The following PRKG2 variants were observed in gnomAD, a reference collection of about 807,000 sequenced individuals.
PRKG2 encodes cGMP-dependent protein kinase 2.
Under a neutral mutation model 97.2 loss-of-function variants are expected in PRKG2, and 33 were observed. The observed-to-expected ratio is 0.34, with a 90% confidence interval of 0.26 to 0.45. The LOEUF (loss-of-function observed/expected upper bound fraction) is 0.45, where lower values mean the gene tolerates loss of function less well. Among genes scored for constraint, PRKG2 ranks in the 20% least tolerant of loss-of-function variants. The probability of loss-of-function intolerance (pLI) is 1.00; values close to 1 mark genes in which losing one functional copy is unlikely to be tolerated. For missense variants in PRKG2, 638 were observed against 900.0 expected (o/e 0.71, Z 3.73); for synonymous variants, 330 against 321.8 (o/e 1.03, Z -0.27).
chr4:81,127,275 C>G (rs916222113), intron 14 of PRKG2, among the ~76,000 whole-genome samples: 3 of 152,076 alleles, frequency 2.0e-5, no homozygotes, highest in East Asian at 3.9e-4. Flanking sequence ...TGCAGTCTTG[C>G]AGAATAGTTT....
chr4:81,105,529 G>A (rs1347241370), intron 16 of PRKG2, among the ~76,000 whole-genome samples: 1 of 151,770 alleles, frequency 6.6e-6, no homozygotes, highest in African/African-American at 2.4e-5. Context: ...TAAGGTTTAT[G>A]GTTTATTTTG....
intron 14 of PRKG2, among the ~76,000 whole-genome samples, chr4:81,123,305 C>T (rs183024698): frequency 3.3e-5 from 5 of 152,018 alleles, no homozygotes; most frequent in Admixed American, 3.3e-4. Context: ...ATGTGGTAAC[C>T]CCATTTATCT....
intron 11 of PRKG2, among the ~76,000 whole-genome samples, chr4:81,141,182 T>C (rs1279088921): frequency 6.6e-6 from 1 of 152,036 alleles, no homozygotes; most frequent in Non-Finnish European, 1.5e-5. Flanking sequence ...AGCTAATTTT[T>C]GTATTTTTTA....
chr4:81,092,319 C>A lies in PRKG2; in HGVS notation c.2193+67G>T, dbSNP rs1741622062. 1.8e-5 allele frequency: 20 copies of A among 1,118,304 alleles called. 2 individuals are homozygous for A. The South Asian group carries it at 3.2e-4, about 18-fold the overall frequency. 69.3% of individuals were successfully genotyped at this position (1,118,304 alleles called of 1,614,324 possible). On this transcript the variant is annotated intron_variant, in intron 18 of 18. Coordinates refer to ENST00000264399, the MANE Select transcript of PRKG2 (RefSeq NM_006259.3). ...GTTATGGGCATATACATACACACATCTAAAATCTGTGTACAAAAACAAATC... is the reference window on the plus strand; with the variant it reads ...GTTATGGGCATATACATACACACATATAAAATCTGTGTACAAAAACAAATC...
chr4:81,184,545 C>T (rs1162790098), intron 2 of PRKG2, among the ~76,000 whole-genome samples: 2 of 152,110 alleles, frequency 1.3e-5, no homozygotes, highest in Non-Finnish European at 2.9e-5. Flanking sequence ...AAAACCAGTA[C>T]AAAAAGGCTG....
intron 15 of PRKG2, among the ~76,000 whole-genome samples, chr4:81,107,999 G>T (rs1235491228): frequency 6.6e-6 from 1 of 151,978 alleles, no homozygotes; most frequent in East Asian, 1.9e-4. Context: ...GAGGTTAGAA[G>T]TTCGAGACCA....
At chr4:81,150,629 A>G (rs1173140459) in intron 8 of PRKG2, among the ~76,000 whole-genome samples, 1 of 152,146 alleles carries the variant, frequency 6.6e-6, no homozygotes, top group African/African-American at 2.4e-5. Flanking sequence ...GCCACAACAT[A>G]TAGCATAAAT....
chr4:81,131,795 T>G (rs1220807442), intron 14 of PRKG2, among the ~76,000 whole-genome samples: 1 of 152,222 alleles, frequency 6.6e-6, no homozygotes, highest in Non-Finnish European at 1.5e-5. Flanking sequence ...TCTATTAGAC[T>G]GAGTTATTTG....
Position 81,214,180 on chromosome 4 carries a change from G to A in PRKG2, c.-14+756C>T, listed in dbSNP as rs75674338. 1.4e-3 allele frequency among the ~76,000 whole-genome samples: 209 copies of A among 147,922 alleles called. 2 individuals carry two copies. The East Asian group carries it at 0.034, about 24-fold the overall frequency. ...AAAAAAAAAAAAAAAAGAAGGAGAA[G>A]AAGAAGAAGGAAAAAGCCCCTGGGA... On this transcript the variant is annotated intron_variant, in intron 1 of 18. Coordinates refer to ENST00000264399, the MANE Select transcript of PRKG2 (RefSeq NM_006259.3).
At chr4:81,211,408 T>C (rs1353823771) in intron 1 of PRKG2, among the ~76,000 whole-genome samples, 2 of 152,154 alleles carry the variant, frequency 1.3e-5, no homozygotes, top group African/African-American at 2.4e-5. Context: ...AGAAAGCTGA[T>C]AGCACAGTCA....
intron 14 of PRKG2, among the ~76,000 whole-genome samples, chr4:81,122,882 C>T (rs1276625651): frequency 6.6e-6 from 1 of 152,196 alleles, no homozygotes; most frequent in Non-Finnish European, 1.5e-5. Context: ...CCACCCTAGG[C>T]CACCCTTTCC....
rs565858900 is a variant in PRKG2, at chr4:81,135,357, G to A, written c.1635-61C>T. 1.6e-4 allele frequency: 246 copies of A among 1,499,674 alleles called. 5 individuals are homozygous for A. The South Asian group carries it at 2.7e-3, about 17-fold the overall frequency. 92.9% of individuals were successfully genotyped at this position (1,499,674 alleles called of 1,614,324 possible). ...ATACACATCTTTGGTGCTGTTCTAC[G>A]TGTCAAATCAATTATTGGATTGGCA... On this transcript the variant is annotated intron_variant, in intron 13 of 18. Transcript: ENST00000264399.
At chr4:81,174,733 G>C in intron 3 of PRKG2, 60 bp downstream of exon 3, 1 of 1,464,642 alleles carries the variant, frequency 6.8e-7, no homozygotes, top group Non-Finnish European at 9.3e-7. Flanking sequence ...ATAAATGTTT[G>C]CAGAAAATCA....
Position 81,153,732 on chromosome 4 carries a change from G to A in PRKG2, c.913-11C>T. The A allele has an allele frequency of 1.3e-6, 2 of 1,581,480 alleles. No homozygotes were observed. The highest frequency in any genetic ancestry group is 1.7e-6 in the Non-Finnish European group (2 of 1,150,934). On this transcript the variant is annotated splice_polypyrimidine_tract_variant and intron_variant, in intron 6 of 18. Transcript: ENST00000264399. ...TTTGTCATAGTATTCCTGTTGGGAT[G>A]AGAGAGAAAGAAAATGTAAGAGCGG...
At chr4:81,158,356 A>G (rs952418703) in intron 6 of PRKG2, among the ~76,000 whole-genome samples, 8 of 149,818 alleles carry the variant, frequency 5.3e-5, no homozygotes, top group African/African-American at 2.0e-4. Context: ...TAAAATACCT[A>G]GGAATCCAAC....
At chr4:81,164,765 C>T (rs1370684719) in intron 6 of PRKG2, among the ~76,000 whole-genome samples, 3 of 152,146 alleles carry the variant, frequency 2.0e-5, no homozygotes, top group Non-Finnish European at 4.4e-5. Context: ...ACTACACCCT[C>T]ATCCCAGCCT....
intron 2 of PRKG2, 93 bp from the exon 3 acceptor site, chr4:81,175,052 C>A (rs1750803809): frequency 8.2e-7 from 1 of 1,223,434 alleles, no homozygotes; most frequent in Non-Finnish European, 1.1e-6. Flanking sequence ...ATAATATTAT[C>A]TACAAACTTA....
chr4:81,146,158 A>G (rs1747839019), intron 9 of PRKG2, among the ~76,000 whole-genome samples: 1 of 152,182 alleles, frequency 6.6e-6, no homozygotes, highest in Non-Finnish European at 1.5e-5. Flanking sequence ...TATTTATTCT[A>G]TACTTCACCA....
At chr4:81,100,209 AC>A (rs1742588507) in intron 17 of PRKG2, among the ~76,000 whole-genome samples, 1 of 152,126 alleles carries the variant, frequency 6.6e-6, no homozygotes, top group Non-Finnish European at 1.5e-5. Context: ...ATTGGAAAAA[AC>A]TACTTTAAAG....
Sources: allele counts gnomAD v4.1 joint callset (sites outside exome capture counted in the v4.1 genomes callset), GRCh38; gene constraint gnomAD v4.1.1; transcripts MANE v1.5; gene names NCBI Gene and HGNC (gene_info 2026-07-23, HGNC 2026-07-21).